MDFIC: variants seen among roughly 807,000 people sequenced by gnomAD.
MDFIC encodes MyoD family inhibitor domain containing, also known as myoD family inhibitor domain-containing protein.
In MDFIC, 17 loss-of-function variants were observed where a neutral mutation model predicts 23.2. The ratio of observed to expected loss-of-function variants is 0.73; its 90% confidence interval spans 0.50 to 1.10. The LOEUF is 1.10. MDFIC is among the 50% of genes least tolerant of loss of function. MDFIC has a pLI of 0.00. For synonymous variants in MDFIC, 120 were observed against 115.2 expected (o/e 1.04, Z -0.27); for missense variants, 356 against 316.6 (o/e 1.12, Z -0.95).
intron 2 of MDFIC, among the ~76,000 whole-genome samples, chr7:114,929,084 G>GATCTATCTATCTATCTATCTATTTATCT (rs11273513): frequency 2.0e-5 from 3 of 147,960 alleles, no homozygotes; most frequent in Non-Finnish European, 3.0e-5. Context: ...GATAAATATA[G>GATCTATCTATCTATCTATCTATTTATCT]ATCTATCTAT....
intron 2 of MDFIC, among the ~76,000 whole-genome samples, chr7:114,940,549 T>A (rs891967883): frequency 1.3e-5 from 2 of 152,236 alleles, no homozygotes; most frequent in Non-Finnish European, 2.9e-5. Context: ...TGATATTTCT[T>A]AATATATTCA....
At chr7:114,956,541 T>C (rs111959991) in intron 3 of MDFIC, among the ~76,000 whole-genome samples, 13 of 152,256 alleles carry the variant, frequency 8.5e-5, no homozygotes, top group African/African-American at 3.1e-4. Flanking sequence ...TAAATATGCA[T>C]TTTCCTTCTG....
At chr7:115,011,949 T>C (rs995979514) in intron 4 of MDFIC, among the ~76,000 whole-genome samples, 1 of 152,242 alleles carries the variant, frequency 6.6e-6, no homozygotes, top group African/African-American at 2.4e-5. Context: ...TTCATTCTGC[T>C]ATCAAATCTT....
intron 4 of MDFIC, among the ~76,000 whole-genome samples, chr7:114,981,201 A>G (rs1222147820): frequency 6.6e-6 from 1 of 152,240 alleles, no homozygotes; most frequent in Non-Finnish European, 1.5e-5. Context: ...ATACATTTGA[A>G]TTCACTTATT....
At chr7:114,970,609 C>T (rs2709469) in intron 3 of MDFIC, among the ~76,000 whole-genome samples, 144,334 of 152,178 alleles carry the variant, frequency 0.95, 68,936 homozygotes, top group East Asian at 1. Context: ...CTGCGCCTTC[C>T]CCAGGATTTA....
intron 3 of MDFIC, among the ~76,000 whole-genome samples, chr7:114,973,571 T>C (rs1793250131): frequency 6.6e-6 from 1 of 152,170 alleles, no homozygotes; most frequent in Non-Finnish European, 1.5e-5. Context: ...AAAATTAATT[T>C]GGAGAAGAAT....
chr7:114,981,636 G>A (rs887933833), intron 4 of MDFIC, among the ~76,000 whole-genome samples: 1 of 152,140 alleles, frequency 6.6e-6, no homozygotes, highest in African/African-American at 2.4e-5. Context: ...GAGACATGAG[G>A]AGCATAAAAT....
At position 115,001,095 on chromosome 7, in the gene MDFIC, G is replaced by A. The variant is rs373289561; in HGVS notation, c.494-14593G>A. 1.2e-3 allele frequency among the ~76,000 whole-genome samples: 185 copies of A among 152,238 alleles called. 1 individual carries two copies. The highest frequency in any genetic ancestry group is 4.3e-3 in the African/African-American group (177 of 41,528). ...GACATCCTCTCAAGTGGATGTAGGAGGTAATTAGAATAATAAAATTGAATA... is the reference window on the plus strand; with the variant it reads ...GACATCCTCTCAAGTGGATGTAGGAAGTAATTAGAATAATAAAATTGAATA... On this transcript the variant is annotated intron_variant, in intron 4 of 4. Coordinates refer to ENST00000393486, the MANE Select transcript of MDFIC (RefSeq NM_001166345.3).
At chr7:115,008,182 G>A (rs980983342) in intron 4 of MDFIC, among the ~76,000 whole-genome samples, 3 of 151,892 alleles carry the variant, frequency 2.0e-5, no homozygotes, top group Non-Finnish European at 4.4e-5. Flanking sequence ...CTATCCTCTC[G>A]CTGTCATTTA....
rs1791818523 is a variant in MDFIC, at chr7:115,017,538, T to C, written c.*1603T>C. 1 of 152,244 alleles carries C rather than the reference T, an allele frequency of 6.6e-6. No homozygotes were observed. The highest frequency in any genetic ancestry group is 1.5e-5 in the Non-Finnish European group (1 of 67,862). The allele number at this position is 152,244 out of a possible 1,614,324, so 9.4% of individuals were successfully genotyped here. ...CAGAAGAAATCTAGATATCCCCTAC[T>C]GTGACCAAATTTCTGTATTACGATT... On this transcript the variant is annotated 3_prime_UTR_variant, in exon 5 of 5. Coordinates refer to ENST00000393486, the MANE Select transcript of MDFIC (RefSeq NM_001166345.3).
intron 4 of MDFIC, among the ~76,000 whole-genome samples, chr7:115,002,183 C>T (rs1196896505): frequency 6.6e-6 from 1 of 152,130 alleles, no homozygotes; most frequent in African/African-American, 2.4e-5. Context: ...AAACTGGCTT[C>T]CCGTTATCCA....
chr7:114,978,946 T>G (rs1175572124), intron 3 of MDFIC, among the ~76,000 whole-genome samples: 1 of 152,196 alleles, frequency 6.6e-6, no homozygotes, highest in Non-Finnish European at 1.5e-5. Flanking sequence ...ACTTGTTTAT[T>G]TAAAAATCAA....
intron 3 of MDFIC, among the ~76,000 whole-genome samples, chr7:114,947,168 G>T (rs1792662776): frequency 6.6e-6 from 1 of 152,130 alleles, no homozygotes; most frequent in Non-Finnish European, 1.5e-5. Flanking sequence ...ACCTAGTTAA[G>T]ACTGGAAGAT....
At chr7:114,998,999 A>C (rs1791403892) in intron 4 of MDFIC, among the ~76,000 whole-genome samples, 1 of 152,078 alleles carries the variant, frequency 6.6e-6, no homozygotes, top group Non-Finnish European at 1.5e-5. Flanking sequence ...TTGTTACTCC[A>C]AAGTACACCT....
chr7:114,981,673 T>G (rs1283700859), intron 4 of MDFIC, among the ~76,000 whole-genome samples: 1 of 152,246 alleles, frequency 6.6e-6, no homozygotes, highest in Non-Finnish European at 1.5e-5. Flanking sequence ...AAACACATTT[T>G]GCAAAGTCTT....
chr7:114,972,468 T>C (rs761672778), intron 3 of MDFIC, among the ~76,000 whole-genome samples: 6 of 152,086 alleles, frequency 3.9e-5, no homozygotes, highest in Non-Finnish European at 5.9e-5. Flanking sequence ...CTCCTAGTCA[T>C]GATTAGGATG....
At chr7:114,974,453 T>C (rs1793268452) in intron 3 of MDFIC, among the ~76,000 whole-genome samples, 1 of 152,126 alleles carries the variant, frequency 6.6e-6, no homozygotes, top group Admixed American at 6.6e-5. Flanking sequence ...ATATTCTACA[T>C]TGATCATTTT....
intron 4 of MDFIC, among the ~76,000 whole-genome samples, chr7:114,984,274 T>G (rs565580612): frequency 6.6e-6 from 1 of 152,336 alleles, no homozygotes; most frequent in South Asian, 2.1e-4. Context: ...CTCTCTGTTT[T>G]CCTTTTCCTA....
At position 115,015,881 on chromosome 7, in the gene MDFIC, A is replaced by G; in HGVS notation, c.687A>G (p.Ser229=). The part of the protein sequence containing the change: ...DCGIMDACCE[S]SDCLEICMEC... ...GCATCATGGATGCCTGTTGTGAATC[A>G]TCAGACTGCTTGGAAATCTGTATGG... The change falls in exon 5 of 5, where the codon TCA becomes TCG. Residue 229 remains serine (S), a synonymous_variant. Transcript: ENST00000393486. 6.2e-7 allele frequency: 1 copy of G among 1,614,232 alleles called. No homozygotes were observed. Among genetic ancestry groups the G allele is most frequent in the Non-Finnish European group, 8.5e-7 (1 of 1,180,048 alleles).
Sources: allele counts gnomAD v4.1 joint callset (sites outside exome capture counted in the v4.1 genomes callset), GRCh38; gene constraint gnomAD v4.1.1; transcripts MANE v1.5; gene names NCBI Gene and HGNC (gene_info 2026-07-23, HGNC 2026-07-21).